The following STARD13 variants were observed in gnomAD, a reference collection of about 807,000 sequenced individuals.
STARD13 encodes the protein StAR related lipid transfer domain containing 13.
Under a neutral mutation model 106.4 loss-of-function variants are expected in STARD13, and 62 were observed. The ratio of observed to expected loss-of-function variants is 0.58; its 90% confidence interval spans 0.48 to 0.72. The LOEUF (loss-of-function observed/expected upper bound fraction) is 0.72, where lower values mean the gene tolerates loss of function less well. Among genes scored for constraint, STARD13 ranks in the 30% least tolerant of loss-of-function variants. The probability of loss-of-function intolerance (pLI) is 0.00; values close to 1 mark genes in which losing one functional copy is unlikely to be tolerated. For synonymous variants in STARD13, 565 were observed against 553.0 expected (o/e 1.02, Z -0.31); for missense variants, 1,387 against 1,424.0 (o/e 0.97, Z 0.42).
At chr13:33,355,728 G>C in the STARD13 span, 2 of 152,310 alleles carry the variant, frequency 1.3e-5, no homozygotes, top group South Asian at 4.1e-4. Context: ...AAGTGTTGCT[G>C]AAAGTTCTGG....
At chr13:33,330,011 C>T (rs1018293098) in intron 1 of STARD13, among the ~76,000 whole-genome samples, 39 of 152,156 alleles carry the variant, frequency 2.6e-4, no homozygotes, top group African/African-American at 8.9e-4. Flanking sequence ...GCCAAAATCA[C>T]ATTTTCTTTA....
chr13:33,534,452 T>C, the STARD13 span, among the ~76,000 whole-genome samples: 13 of 152,208 alleles, frequency 8.5e-5, no homozygotes, highest in African/African-American at 3.1e-4. Flanking sequence ...TTCTGTCTGG[T>C]TTTAAATGTA....
At chr13:33,567,940 T>C in the STARD13 span, among the ~76,000 whole-genome samples, 1 of 148,260 alleles carries the variant, frequency 6.7e-6, no homozygotes, top group Non-Finnish European at 1.5e-5. Flanking sequence ...GGGCCATATG[T>C]CACCATTAAT....
At chr13:33,306,837 C>T (rs1369195013) in intron 1 of STARD13, among the ~76,000 whole-genome samples, 1 of 152,120 alleles carries the variant, frequency 6.6e-6, no homozygotes, top group African/African-American at 2.4e-5. Flanking sequence ...GCAGTCCCAG[C>T]TACTCGGGAG....
chr13:33,509,763 T>C, the STARD13 span, among the ~76,000 whole-genome samples: 1 of 152,126 alleles, frequency 6.6e-6, no homozygotes, highest in African/African-American at 2.4e-5. Flanking sequence ...GCCAGTGAAA[T>C]GCCAAGGCTC....
intron 1 of STARD13, among the ~76,000 whole-genome samples, chr13:33,174,112 A>C (rs1884270693): frequency 6.6e-6 from 1 of 152,196 alleles, no homozygotes; most frequent in Admixed American, 6.5e-5. Flanking sequence ...GTAGAGAATA[A>C]ACCTAAGCAG....
chr13:33,633,073 G>A, the STARD13 span, among the ~76,000 whole-genome samples: 1 of 152,120 alleles, frequency 6.6e-6, no homozygotes, highest in Non-Finnish European at 1.5e-5. Flanking sequence ...TTCCTACTAA[G>A]AGGGGTATGT....
the STARD13 span, among the ~76,000 whole-genome samples, chr13:33,564,230 AAAGAT>A: frequency 6.9e-6 from 1 of 145,396 alleles, no homozygotes; most frequent in Middle Eastern, 3.5e-3. Flanking sequence ...AAAAAAAAGA[AAAGAT>A]CTGAACAGAC....
At chr13:33,661,845 T>A in the STARD13 span, among the ~76,000 whole-genome samples, 22 of 151,144 alleles carry the variant, frequency 1.5e-4, no homozygotes, top group East Asian at 4.3e-3. Flanking sequence ...TATATGTGTA[T>A]CTACGTATGG....
the STARD13 span, chr13:33,439,640 C>A: frequency 9.5e-7 from 1 of 1,050,998 alleles, no homozygotes; most frequent in Non-Finnish European, 1.3e-6. Context: ...GCAAAGCTCT[C>A]CAAACAACTT....
At chr13:33,404,306 C>CT in the STARD13 span, among the ~76,000 whole-genome samples, 2 of 152,066 alleles carry the variant, frequency 1.3e-5, no homozygotes, top group African/African-American at 2.4e-5. Context: ...CTTTTAAAGT[C>CT]TTTTTTTAAC....
the STARD13 span, among the ~76,000 whole-genome samples, chr13:33,665,194 T>A: frequency 6.6e-6 from 1 of 152,210 alleles, no homozygotes; most frequent in African/African-American, 2.4e-5. Context: ...TTTTACCTAA[T>A]GCTCCCTTGT....
the STARD13 span, among the ~76,000 whole-genome samples, chr13:33,457,349 G>A: frequency 6.6e-6 from 1 of 152,172 alleles, no homozygotes; most frequent in South Asian, 2.1e-4. Context: ...TGGCATCACT[G>A]ATATTCCTCT....
intron 10 of STARD13, 25 bp downstream of exon 10, chr13:33,111,753 G>A (rs1408174513): frequency 1.4e-6 from 2 of 1,429,050 alleles, no homozygotes; most frequent in Admixed American, 3.3e-5. Context: ...TACTAGGGAG[G>A]CGGAGGTTCG....
chr13:33,564,556 C>T, the STARD13 span, among the ~76,000 whole-genome samples: 1 of 146,240 alleles, frequency 6.8e-6, no homozygotes, highest in African/African-American at 2.6e-5. Flanking sequence ...GAAAAATCAA[C>T]TTATTAAAGA....
chr13:33,594,069 G>A, the STARD13 span, among the ~76,000 whole-genome samples: 1 of 152,126 alleles, frequency 6.6e-6, no homozygotes, highest in South Asian at 2.1e-4. Context: ...ACCATGCCCG[G>A]CTAATTTTTT....
At chr13:33,117,952 A>G in intron 8 of STARD13, 113 bp downstream of exon 8, 1 of 1,532,622 alleles carries the variant, frequency 6.5e-7, no homozygotes, top group Non-Finnish European at 8.8e-7. Context: ...GATTACATAC[A>G]TCTTTATGGA....
the STARD13 span, among the ~76,000 whole-genome samples, chr13:33,495,862 T>C: frequency 6.9e-6 from 1 of 145,408 alleles, no homozygotes; most frequent in South Asian, 2.1e-4. Flanking sequence ...TTATATAATA[T>C]ATAATTATAT....
intron 1 of STARD13, among the ~76,000 whole-genome samples, chr13:33,317,824 C>T (rs1056196565): frequency 9.2e-5 from 14 of 152,148 alleles, no homozygotes; most frequent in South Asian, 4.1e-4. Flanking sequence ...TTAAGCACTC[C>T]GTAAGTTTTT....
Sources: gnomAD v4.1 joint callset for allele counts (sites outside exome capture counted in the v4.1 genomes callset) on GRCh38, gnomAD v4.1.1 for gene constraint, MANE v1.5 for transcripts, NCBI Gene and HGNC (gene_info 2026-07-23, HGNC 2026-07-21) for gene names.